CDKAL1: variants seen among roughly 807,000 people sequenced by gnomAD.
The protein encoded by CDKAL1 is threonylcarbamoyladenosine tRNA methylthiotransferase.
Under a neutral mutation model 68.2 loss-of-function variants are expected in CDKAL1, and 32 were observed. The ratio of observed to expected loss-of-function variants is 0.47; its 90% CI spans 0.35 to 0.63. CDKAL1 has a LOEUF of 0.63. Among genes scored for constraint, CDKAL1 ranks in the 30% least tolerant of loss-of-function variants. The pLI is 0.00. For synonymous variants in CDKAL1, 234 were observed against 244.3 expected (o/e 0.96, Z 0.39); for missense variants, 606 against 696.7 (o/e 0.87, Z 1.47).
intron 15 of CDKAL1, among the ~76,000 whole-genome samples, chr6:21,225,798 CAAATAA>C (rs547208629): frequency 1.2e-3 from 187 of 152,222 alleles, no homozygotes; most frequent in African/African-American, 4.3e-3. Context: ...ATTTTAGAAG[CAAATAA>C]AATAATGACT....
At chr6:20,608,360 CT>C (rs1464969687) in intron 4 of CDKAL1, among the ~76,000 whole-genome samples, 1 of 152,074 alleles carries the variant, frequency 6.6e-6, no homozygotes, top group Non-Finnish European at 1.5e-5. Context: ...AAATCTACTA[CT>C]TTTTAGTACT....
intron 5 of CDKAL1, among the ~76,000 whole-genome samples, chr6:20,676,440 T>C (rs13208763): frequency 0.092 from 13,999 of 151,844 alleles, 2,065 homozygotes; most frequent in African/African-American, 0.31. Context: ...GGCCGATGCG[T>C]GCGGGTCATG....
intron 9 of CDKAL1, among the ~76,000 whole-genome samples, chr6:20,920,264 T>A (rs991059826): frequency 6.6e-6 from 1 of 152,198 alleles, no homozygotes; most frequent in African/African-American, 2.4e-5. Context: ...TTGAATAATG[T>A]CATTTCTAGA....
At chr6:20,580,924 G>A (rs933814612) in intron 4 of CDKAL1, among the ~76,000 whole-genome samples, 9 of 151,930 alleles carry the variant, frequency 5.9e-5, no homozygotes, top group Admixed American at 2.0e-4. Flanking sequence ...TGAGTAACTG[G>A]GATTATAGGC....
intron 9 of CDKAL1, among the ~76,000 whole-genome samples, chr6:20,920,341 A>C (rs114885234): frequency 0.011 from 1,614 of 152,324 alleles, 27 homozygotes; most frequent in African/African-American, 0.036. Flanking sequence ...AGGTTTTATG[A>C]GAAATAGGAG....
At chr6:20,684,526 C>T (rs771538681) in intron 5 of CDKAL1, among the ~76,000 whole-genome samples, 5 of 152,170 alleles carry the variant, frequency 3.3e-5, no homozygotes, top group Non-Finnish European at 5.9e-5. Context: ...TCTGGGAGGG[C>T]AAAAGGAAGG....
intron 9 of CDKAL1, among the ~76,000 whole-genome samples, chr6:20,862,675 G>A (rs1459427133): frequency 2.7e-5 from 4 of 150,602 alleles, no homozygotes; most frequent in South Asian, 2.1e-4. Flanking sequence ...GCGCGTGCAT[G>A]CGCGCGTGCG....
chr6:21,227,475 C>G (rs1003734480), intron 15 of CDKAL1, among the ~76,000 whole-genome samples: 11 of 152,192 alleles, frequency 7.2e-5, no homozygotes, highest in African/African-American at 2.4e-4. Flanking sequence ...ATCCTTTTAT[C>G]AAGATCTTGA....
intron 4 of CDKAL1, among the ~76,000 whole-genome samples, chr6:20,629,403 GTTA>G (rs1304238635): frequency 6.6e-6 from 1 of 152,122 alleles, no homozygotes; most frequent in East Asian, 1.9e-4. Flanking sequence ...CCACTGTAAG[GTTA>G]TTTTTTCCTC....
At chr6:20,845,175 A>G (rs1373497877) in intron 8 of CDKAL1, among the ~76,000 whole-genome samples, 4 of 152,334 alleles carry the variant, frequency 2.6e-5, no homozygotes, top group Non-Finnish European at 5.9e-5. Flanking sequence ...ATGAAATTTT[A>G]AAGCATTTGT....
chr6:20,587,540 G>A (rs989199886), intron 4 of CDKAL1, among the ~76,000 whole-genome samples: 75 of 150,378 alleles, frequency 5.0e-4, no homozygotes, highest in African/African-American at 1.5e-3. Flanking sequence ...TGCCACCAGC[G>A]TGGGCAGCGT....
At chr6:20,701,292 T>G (rs1771346608) in intron 5 of CDKAL1, among the ~76,000 whole-genome samples, 1 of 151,464 alleles carries the variant, frequency 6.6e-6, no homozygotes, top group Non-Finnish European at 1.5e-5. Context: ...GCCCAGTGTC[T>G]TGAAAATTTG....
chr6:20,600,483 A>G (rs868824248), intron 4 of CDKAL1, among the ~76,000 whole-genome samples: 9 of 152,128 alleles, frequency 5.9e-5, no homozygotes, highest in Middle Eastern at 3.4e-3. Flanking sequence ...TCTGTATTTG[A>G]ACAGTTTGAT....
Position 20,739,557 on chromosome 6 carries a change from G to A in CDKAL1, c.410G>A (p.Gly137Glu). The A allele has an allele frequency of 6.2e-7, 1 of 1,613,446 alleles. No individual in the cohort carries two copies. Among genetic ancestry groups the A allele is most frequent in the African/African-American group, 1.3e-5 (1 of 75,008 alleles). The change falls in exon 6 of 16, where the codon GGA becomes GAA. Residue 137 changes from glycine to glutamate, a missense_variant. Transcript: ENST00000274695. ...QEENKKIVLA[G>E]CVPQAQPRQD... ...GAGAACAAGAAAATCGTACTGGCTG[G>A]ATGCGTTCCTCAAGCCCAGCCTCGC...
intron 7 of CDKAL1, among the ~76,000 whole-genome samples, chr6:20,760,303 A>G (rs576269576): frequency 6.6e-6 from 1 of 152,236 alleles, no homozygotes; most frequent in East Asian, 1.9e-4. Flanking sequence ...TGATGTTCCA[A>G]AATAAAGTGA....
chr6:20,711,336 C>T (rs1429554795), intron 5 of CDKAL1, among the ~76,000 whole-genome samples: 1 of 152,090 alleles, frequency 6.6e-6, no homozygotes, highest in Non-Finnish European at 1.5e-5. Context: ...TCTGGCATTT[C>T]GAATAGTGTC....
chr6:20,711,891 C>T (rs1439597871), intron 5 of CDKAL1, among the ~76,000 whole-genome samples: 1 of 152,166 alleles, frequency 6.6e-6, no homozygotes, highest in Non-Finnish European at 1.5e-5. Flanking sequence ...GAAAACCATT[C>T]TCAAAAGCTG....
chr6:20,745,699 A>G (rs773181183), intron 6 of CDKAL1, among the ~76,000 whole-genome samples: 97 of 152,288 alleles, frequency 6.4e-4, no homozygotes, highest in Middle Eastern at 3.4e-3. Flanking sequence ...ATTCTCGGCT[A>G]ATACTAACAA....
At chr6:20,663,556 A>G (rs912814004) in intron 5 of CDKAL1, among the ~76,000 whole-genome samples, 2 of 152,076 alleles carry the variant, frequency 1.3e-5, no homozygotes, top group Admixed American at 1.3e-4. Context: ...TGAAGGAATA[A>G]CAGAATACAT....
Sources: allele counts gnomAD v4.1 joint callset (sites outside exome capture counted in the v4.1 genomes callset), GRCh38; gene constraint gnomAD v4.1.1; transcripts MANE v1.5; gene names NCBI Gene and HGNC (gene_info 2026-07-23, HGNC 2026-07-21).